The following USP6NL variants were observed in gnomAD, a reference collection of about 807,000 sequenced individuals.
The protein encoded by USP6NL is USP6 N-terminal like.
In USP6NL, 26 loss-of-function variants were observed where a neutral mutation model predicts 61.9. The observed-to-expected ratio is 0.42, with a 90% confidence interval of 0.31 to 0.58. USP6NL has a LOEUF of 0.58. Among genes scored for constraint, USP6NL ranks in the 20% least tolerant of loss-of-function variants. The probability of loss-of-function intolerance (pLI) is 0.16; values close to 1 mark genes in which losing one functional copy is unlikely to be tolerated. For missense variants in USP6NL, 1,114 were observed against 1,034.3 expected, an observed-to-expected ratio of 1.08 and a Z score of -1.06; for synonymous variants, 432 against 390.1, an observed-to-expected ratio of 1.11 and a Z score of -1.27.
In USP6NL at chr10:11,462,849, C is replaced by T; in HGVS notation, c.2079G>A (p.Leu693=). 1 of 1,613,924 alleles carries T rather than the reference C, an allele frequency of 6.2e-7. No homozygotes were observed. Among genetic ancestry groups the T allele is most frequent in the Non-Finnish European group, 8.5e-7 (1 of 1,179,890 alleles). The change falls in exon 15 of 15, where the codon CTG becomes CTA. Residue 693 remains leucine (L), a synonymous_variant. Transcript: ENST00000609104. The part of the protein sequence containing the change: ...KSYSRPSPLV[L]PSSRIEVLPV... ...GGAGGACTTCTATTCGACTAGACGG[C>T]AGTACAAGGGGGCTTGGGCGGCTGT...
intron 4 of USP6NL, among the ~76,000 whole-genome samples, chr10:11,519,095 A>G (rs1343920337): frequency 6.8e-6 from 1 of 147,192 alleles, no homozygotes; most frequent in African/African-American, 2.7e-5. Flanking sequence ...GTAGTACAAA[A>G]GCAACCACAG....
At chr10:11,555,497 A>G (rs1005186349) in intron 2 of USP6NL, among the ~76,000 whole-genome samples, 2 of 137,976 alleles carry the variant, frequency 1.4e-5, no homozygotes, top group Admixed American at 7.3e-5. Context: ...GAGAGAGAAG[A>G]GGAATAAAAG....
In USP6NL at chr10:11,597,122, T is replaced by C. The variant is rs1183107030; in HGVS notation, c.4+509A>G. Among the ~76,000 whole-genome samples, 1 of 152,180 alleles carries C rather than the reference T, an allele frequency of 6.6e-6. No individual in the cohort carries two copies. Among genetic ancestry groups the C allele is most frequent in the Admixed American group, 6.5e-5 (1 of 15,282 alleles). The stretch of plus-strand genomic sequence containing the variant: ...ATAGGAATAGAGAGAAAATATTACA[T>C]ATACTATCCCCTTACAACTAAGAAG... On this transcript the variant is annotated intron_variant, in intron 2 of 14. Coordinates refer to ENST00000609104, the MANE Select transcript of USP6NL (RefSeq NM_014688.5). The surrounding 1 kb of genome is among the most constrained non-coding windows in gnomAD (Gnocchi z 4.6).
intron 2 of USP6NL, among the ~76,000 whole-genome samples, chr10:11,536,631 C>T (rs1835843926): frequency 6.6e-6 from 1 of 152,178 alleles, no homozygotes; most frequent in South Asian, 2.1e-4. Flanking sequence ...TCTATGCACC[C>T]AGGTGGCCAT....
intron 5 of USP6NL, 113 bp from the exon 6 acceptor site, chr10:11,509,788 T>C: frequency 2.5e-6 from 2 of 808,078 alleles, no homozygotes; most frequent in Non-Finnish European, 3.9e-6. Flanking sequence ...TATGCTATAT[T>C]AGCAGATATC....
At chr10:11,493,556 G>A (rs1833790864) in intron 7 of USP6NL, among the ~76,000 whole-genome samples, 1 of 152,186 alleles carries the variant, frequency 6.6e-6, no homozygotes, top group Non-Finnish European at 1.5e-5. Flanking sequence ...GCTGAGCCAT[G>A]CAGTCTGTTA....
In USP6NL at chr10:11,562,546, T is replaced by A. The variant is rs1836984604; in HGVS notation, c.5-34979A>T. 2.0e-6 allele frequency: 2 copies of A among 985,434 alleles called. No individual in the cohort carries two copies. Among genetic ancestry groups the A allele is most frequent in the Non-Finnish European group, 2.4e-6 (2 of 829,920 alleles). The allele number at this position is 985,434 out of a possible 1,614,324, so 61.0% of individuals were successfully genotyped here. A position where few individuals can be genotyped will look rare whatever the true frequency, so the allele number is the denominator to read the frequency against. ...GACATTGCTTGGCCACTGTGACTAC[T>A]CTGAGTCTAGCTAGCCTGGACTGTT... On this transcript the variant is annotated intron_variant, in intron 2 of 14. Coordinates refer to ENST00000609104, the MANE Select transcript of USP6NL (RefSeq NM_014688.5). The surrounding 1 kb of genome is among the most constrained non-coding windows in gnomAD (Gnocchi z 4.8).
chr10:11,610,204 G>A (rs1263440690), intron 1 of USP6NL, among the ~76,000 whole-genome samples: 3 of 151,982 alleles, frequency 2.0e-5, no homozygotes, highest in African/African-American at 7.3e-5. Context: ...CATTTTAATT[G>A]TCTACGTAGA....
intron 6 of USP6NL, among the ~76,000 whole-genome samples, chr10:11,506,502 T>G (rs1330659278): frequency 6.6e-6 from 1 of 151,922 alleles, no homozygotes; most frequent in Non-Finnish European, 1.5e-5. Context: ...TTTTTTTAAT[T>G]AGCAGGCATG....
rs576959268 is a variant in USP6NL, at chr10:11,562,240, G to A, written c.5-34673C>T. Among the ~76,000 whole-genome samples, 20 of 151,140 alleles carry A rather than the reference G, an allele frequency of 1.3e-4. No homozygotes were observed. In the East Asian group the frequency reaches 3.5e-3, roughly 26 times the overall value. ...TCGCACCACTGCACGCCAGCCTGGC[G>A]GACAGTGCAAGACTCCATCTCAAAA... On this transcript the variant is annotated intron_variant, in intron 2 of 14. Transcript: ENST00000609104. The surrounding 1 kb of genome is among the most constrained non-coding windows in gnomAD (Gnocchi z 4.8).
In USP6NL at chr10:11,528,237, A is replaced by G. The variant is rs1835504496; in HGVS notation, c.5-670T>C. Among the ~76,000 whole-genome samples the G allele has an allele frequency of 6.6e-6, 1 of 152,088 alleles. No individual in the cohort carries two copies. The highest frequency in any genetic ancestry group is 2.1e-4 in the South Asian group (1 of 4,820). ...AAAAGTCGAGATCATAACATGAAAT[A>G]GTATGAATATATACCATAAGTTTTT... On this transcript the variant is annotated intron_variant, in intron 2 of 14. Transcript: ENST00000609104. The surrounding 1 kb of genome is among the most constrained non-coding windows in gnomAD (Gnocchi z 4.6).
intron 10 of USP6NL, 122 bp from the exon 11 acceptor site, chr10:11,486,033 A>C: frequency 1.5e-6 from 1 of 680,632 alleles, no homozygotes; most frequent in Non-Finnish European, 2.2e-6. Context: ...GTAGTTACCA[A>C]AATATTTTTT....
chr10:11,517,056 AT>A, intron 5 of USP6NL, among the ~76,000 whole-genome samples: 1 of 152,350 alleles, frequency 6.6e-6, no homozygotes, highest in East Asian at 1.9e-4. Context: ...GGACTGCCAG[AT>A]TTTTATTTTG....
chr10:11,463,922 A>G lies in USP6NL; in HGVS notation c.1079-73T>C, dbSNP rs1832318215. The G allele has an allele frequency of 8.8e-6, 12 of 1,357,774 alleles. No individual in the cohort carries two copies. Among genetic ancestry groups the G allele is most frequent in the Middle Eastern group, 1.9e-4 (1 of 5,364 alleles). The allele number at this position is 1,357,774 out of a possible 1,614,324, so 84.1% of individuals were successfully genotyped here. A position where few individuals can be genotyped will look rare whatever the true frequency, so the allele number is the denominator to read the frequency against. On this transcript the variant is annotated intron_variant, in intron 14 of 14. Transcript: ENST00000609104. The surrounding 1 kb of genome is among the most constrained non-coding windows in gnomAD (Gnocchi z 6.3). ...TAGCCAGTTGAAGCAATCCATTAGT[A>G]ACAATGGCATGCTTTTCATCTGTGC...
intron 2 of USP6NL, among the ~76,000 whole-genome samples, chr10:11,544,119 A>T (rs1836181394): frequency 6.6e-6 from 1 of 152,084 alleles, no homozygotes; most frequent in African/African-American, 2.4e-5. Context: ...CCCAATATTT[A>T]GGTTTCTTTA....
chr10:11,472,496 C>G (rs1220495783), intron 14 of USP6NL, among the ~76,000 whole-genome samples: 1 of 152,264 alleles, frequency 6.6e-6, no homozygotes, highest in Non-Finnish European at 1.5e-5. Context: ...GAAGAATACA[C>G]ACACTCTGAC....
At position 11,562,279 on chromosome 10, in the gene USP6NL, A is replaced by AAT; in HGVS notation, c.5-34713_5-34712insAT. The AAT allele has an allele frequency of 7.7e-6, 5 of 648,404 alleles. No homozygotes were observed. Among genetic ancestry groups the AAT allele is most frequent in the South Asian group, 6.8e-5 (1 of 14,742 alleles). The allele number at this position is 648,404 out of a possible 1,614,324, so 40.2% of individuals were successfully genotyped here. A position where few individuals can be genotyped will look rare whatever the true frequency, so the allele number is the denominator to read the frequency against. On this transcript the variant is annotated intron_variant, in intron 2 of 14. Coordinates refer to ENST00000609104, the MANE Select transcript of USP6NL (RefSeq NM_014688.5). This position sits in a 1 kb window ranked among gnomAD's most constrained non-coding sequence, Gnocchi z 4.8. The stretch of plus-strand genomic sequence containing the variant: ...TCCATCTCAAAAAAAAAAAAAAAAA[A>AAT]TTGCATTCCCAGGACCCCCCTGCAG...
At position 11,597,509 on chromosome 10, in the gene USP6NL, A is replaced by T; in HGVS notation, c.4+122T>A. 9.9e-7 allele frequency: 1 copy of T among 1,014,044 alleles called. No individual in the cohort carries two copies. Among genetic ancestry groups the T allele is most frequent in the Non-Finnish European group, 1.5e-6 (1 of 658,522 alleles). 62.8% of individuals were successfully genotyped at this position (1,014,044 alleles called of 1,614,324 possible). A position where few individuals can be genotyped will look rare whatever the true frequency, so the allele number is the denominator to read the frequency against. On this transcript the variant is annotated intron_variant, in intron 2 of 14. Coordinates refer to ENST00000609104, the MANE Select transcript of USP6NL (RefSeq NM_014688.5). The surrounding 1 kb of genome is among the most constrained non-coding windows in gnomAD (Gnocchi z 4.6). Reference sequence around the variant, plus strand: ...CAAGCGCAGAGTGCTGGGTGGAACCACATTCAAACTCTGAATAAGTGACAT... The same window carrying T: ...CAAGCGCAGAGTGCTGGGTGGAACCTCATTCAAACTCTGAATAAGTGACAT...
At chr10:11,606,677 T>C (rs1401594839) in intron 1 of USP6NL, among the ~76,000 whole-genome samples, 1 of 151,934 alleles carries the variant, frequency 6.6e-6, no homozygotes, top group African/African-American at 2.4e-5. Flanking sequence ...TACAAGAATA[T>C]GTAATCCCAA....
Sources: allele counts gnomAD v4.1 joint callset (sites outside exome capture counted in the v4.1 genomes callset), GRCh38; gene constraint gnomAD v4.1.1; non-coding constraint Gnocchi (gnomAD v3.1); transcripts MANE v1.5; gene names NCBI Gene and HGNC (gene_info 2026-07-23, HGNC 2026-07-21).